Variants in CNTN3 observed in about 807,000 individuals in gnomAD.
CNTN3 encodes the protein contactin 3.
A neutral mutation model predicts 119.1 loss-of-function variants in CNTN3; 60 were observed. The ratio of observed to expected loss-of-function variants is 0.50; its 90% CI spans 0.41 to 0.62. The LOEUF is 0.62. Among genes scored for constraint, CNTN3 ranks in the 20% least tolerant of loss-of-function variants. The pLI is 0.00. For missense variants in CNTN3, 1,101 were observed against 1,242.4 expected (o/e 0.89, Z 1.71); for synonymous variants, 450 against 438.7 (o/e 1.03, Z -0.32).
chr3:74,434,612 C>T (rs1293350304), intron 4 of CNTN3, among the ~76,000 whole-genome samples: 2 of 152,194 alleles, frequency 1.3e-5, no homozygotes, highest in African/African-American at 4.8e-5. Flanking sequence ...CTGATTCTCT[C>T]TAGCTATTTG....
At chr3:74,403,188 C>G (rs1385862448) in intron 5 of CNTN3, among the ~76,000 whole-genome samples, 1 of 151,984 alleles carries the variant, frequency 6.6e-6, no homozygotes, top group South Asian at 2.1e-4. Flanking sequence ...CATAAGGAAA[C>G]CAGGGTGGAA....
intron 1 of CNTN3, among the ~76,000 whole-genome samples, chr3:74,537,848 T>C (rs963046610): frequency 1.3e-5 from 2 of 151,814 alleles, no homozygotes; most frequent in Non-Finnish European, 2.9e-5. Context: ...AATGGCAAAA[T>C]TGAAGAGAAG....
chr3:74,582,887 T>A (rs983173899), intron 1 of CNTN3, among the ~76,000 whole-genome samples: 1 of 151,802 alleles, frequency 6.6e-6, no homozygotes, highest in Non-Finnish European at 1.5e-5. Context: ...CCAAATGACC[T>A]GAACACAAAT....
chr3:74,502,871 A>ATG (rs1052926536), intron 2 of CNTN3, among the ~76,000 whole-genome samples: 2 of 152,070 alleles, frequency 1.3e-5, no homozygotes, highest in African/African-American at 4.8e-5. Context: ...AACACTACGC[A>ATG]TGTTTATGCA....
intron 1 of CNTN3, among the ~76,000 whole-genome samples, chr3:74,558,343 T>C (rs1470170091): frequency 2.0e-5 from 3 of 152,192 alleles, no homozygotes; most frequent in Non-Finnish European, 4.4e-5. Context: ...CAGATCTCTG[T>C]CTCAGAGTCC....
chr3:74,321,291 A>G (rs894117625), intron 13 of CNTN3, among the ~76,000 whole-genome samples: 2 of 152,218 alleles, frequency 1.3e-5, no homozygotes, highest in African/African-American at 4.8e-5. Context: ...TTAAACAAAA[A>G]TAAAATTTGT....
intron 5 of CNTN3, among the ~76,000 whole-genome samples, chr3:74,379,525 T>G (rs1704564768): frequency 6.6e-6 from 1 of 152,150 alleles, no homozygotes; most frequent in Non-Finnish European, 1.5e-5. Context: ...CCAACTGAAG[T>G]GCTTACCTTC....
Position 74,288,159 on chromosome 3 carries a change from C to CTTTTTTT in CNTN3, c.2518-2675_2518-2669dup, listed in dbSNP as rs3084509. Among the ~76,000 whole-genome samples, 153 of 90,354 alleles carry CTTTTTTT rather than the reference C, an allele frequency of 1.7e-3. 1 individual carries two copies. Among genetic ancestry groups the CTTTTTTT allele is most frequent in the Non-Finnish European group, 2.2e-3 (90 of 41,772 alleles). The allele number at this position is 90,354 out of a possible 152,430, so 59.3% of individuals were successfully genotyped here. ...CATCTTTTTTCTTTTCTTTTCTTTT[C>CTTTTTTT]TTTTTTTTTTTTTTTTTGAGACAGA... is the stretch of plus-strand genomic sequence containing the variant. On this transcript the variant is annotated intron_variant, in intron 19 of 22. Transcript: ENST00000263665.
chr3:74,304,575 C>T (rs943673929), intron 13 of CNTN3, among the ~76,000 whole-genome samples: 1 of 152,130 alleles, frequency 6.6e-6, no homozygotes, highest in African/African-American at 2.4e-5. Flanking sequence ...ATTTTATGTC[C>T]TCACATATCT....
chr3:74,497,552 CTTTTAG>C (rs1481519546), intron 3 of CNTN3, among the ~76,000 whole-genome samples: 4 of 151,788 alleles, frequency 2.6e-5, no homozygotes, highest in African/African-American at 2.4e-5. Flanking sequence ...TGGTCATAAA[CTTTTAG>C]TTTAAGTGAA....
chr3:74,264,569 G>T, intron 22 of CNTN3, 68 bp from the exon 23 acceptor site: 1 of 970,352 alleles, frequency 1.0e-6, no homozygotes. Context: ...GCTAGAGACT[G>T]GATATTTGTG....
chr3:74,473,481 AG>A (rs1702601704), intron 4 of CNTN3, among the ~76,000 whole-genome samples: 1 of 152,212 alleles, frequency 6.6e-6, no homozygotes, highest in Admixed American at 6.5e-5. Flanking sequence ...ATTCAAGTAA[AG>A]AACAGATTCT....
At chr3:74,590,532 C>T (rs1394559738) in intron 1 of CNTN3, among the ~76,000 whole-genome samples, 1 of 151,838 alleles carries the variant, frequency 6.6e-6, no homozygotes, top group Non-Finnish European at 1.5e-5. Context: ...GCTCTTGGAG[C>T]TCCTATCACT....
At chr3:74,331,374 T>C (rs1321469304) in intron 13 of CNTN3, among the ~76,000 whole-genome samples, 2 of 152,198 alleles carry the variant, frequency 1.3e-5, no homozygotes, top group Non-Finnish European at 2.9e-5. Flanking sequence ...AGCCTGGGTG[T>C]GTAGTAGGCT....
intron 1 of CNTN3, among the ~76,000 whole-genome samples, chr3:74,600,019 A>G (rs1704882295): frequency 6.6e-6 from 1 of 152,024 alleles, no homozygotes; most frequent in South Asian, 2.1e-4. Context: ...TGAAAAGGAA[A>G]GCACAGTTGG....
At chr3:74,490,234 G>T (rs1460317583) in intron 3 of CNTN3, among the ~76,000 whole-genome samples, 1 of 152,168 alleles carries the variant, frequency 6.6e-6, no homozygotes. Flanking sequence ...GTTACTAAGT[G>T]ACTAAATGCT....
intron 5 of CNTN3, among the ~76,000 whole-genome samples, chr3:74,420,577 G>A (rs1335780657): frequency 6.6e-6 from 1 of 152,186 alleles, no homozygotes; most frequent in Admixed American, 6.5e-5. Context: ...CATTGCTGAT[G>A]TGTTAAACAA....
intron 13 of CNTN3, among the ~76,000 whole-genome samples, chr3:74,305,148 A>C (rs756899616): frequency 6.6e-6 from 1 of 152,222 alleles, no homozygotes; most frequent in Non-Finnish European, 1.5e-5. Context: ...TGGTGTAAAC[A>C]TGTGAAACAA....
At chr3:74,414,150 T>C (rs1443658106) in intron 5 of CNTN3, among the ~76,000 whole-genome samples, 2 of 152,164 alleles carry the variant, frequency 1.3e-5, no homozygotes, top group Non-Finnish European at 2.9e-5. Context: ...GTTACACAAC[T>C]AGGCAGACTA....
Sources: gnomAD v4.1 joint callset for allele counts (sites outside exome capture counted in the v4.1 genomes callset) on GRCh38, gnomAD v4.1.1 for gene constraint, MANE v1.5 for transcripts, NCBI Gene and HGNC (gene_info 2026-07-23, HGNC 2026-07-21) for gene names.